CPB2: variants seen among roughly 807,000 people sequenced by gnomAD.
CPB2 encodes carboxypeptidase B-like protein.
In CPB2, 54 loss-of-function variants were observed where a neutral mutation model predicts 57.0. That is an observed-to-expected ratio of 0.95 (90% CI 0.76 to 1.19). The LOEUF (loss-of-function observed/expected upper bound fraction) is 1.19, where lower values mean the gene tolerates loss of function less well. Among genes scored for constraint, CPB2 ranks in the 50% most tolerant of loss-of-function variants. The probability of loss-of-function intolerance (pLI) is 0.00; values close to 1 mark genes in which losing one functional copy is unlikely to be tolerated. For missense variants in CPB2, 426 were observed against 512.0 expected (o/e 0.83, Z 1.62); for synonymous variants, 189 against 178.1 (o/e 1.06, Z -0.49).
chr13:46,054,812 A>G (rs1012517431), intron 10 of CPB2, among the ~76,000 whole-genome samples: 1 of 134,372 alleles, frequency 7.4e-6, no homozygotes, highest in African/African-American at 3.1e-5. Context: ...GTGCAGTTGC[A>G]CAATCTCAGC....
intron 1 of CPB2, among the ~76,000 whole-genome samples, chr13:46,102,596 T>TTTG (rs201447910): frequency 3.8e-4 from 49 of 128,328 alleles, no homozygotes; most frequent in East Asian, 1.0e-3. Flanking sequence ...CTGTTAGTTT[T>TTTG]TTTTTTTTTT....
intron 7 of CPB2, 98 bp downstream of exon 7, chr13:46,067,209 G>C (rs2044869911): frequency 3.5e-6 from 2 of 564,670 alleles, no homozygotes; most frequent in African/African-American, 3.9e-5. Context: ...TAATAATAAA[G>C]CCATTGTGCC....
chr13:46,085,863 A>G (rs2045195531), intron 2 of CPB2, among the ~76,000 whole-genome samples: 3 of 152,218 alleles, frequency 2.0e-5, no homozygotes, highest in Non-Finnish European at 4.4e-5. Context: ...AGGCCCGCTG[A>G]GCCCACTCGG....
intron 8 of CPB2, among the ~76,000 whole-genome samples, chr13:46,059,095 C>T (rs2044736198): frequency 6.6e-6 from 1 of 152,198 alleles, no homozygotes; most frequent in Non-Finnish European, 1.5e-5. Flanking sequence ...ATCTGAATCC[C>T]TTCAAAGATA....
At position 46,055,768 on chromosome 13, in the gene CPB2, T is replaced by C. The variant is rs1390568950; in HGVS notation, c.1081A>G (p.Thr361Ala). 1.8e-5 allele frequency: 28 copies of C among 1,574,070 alleles called. No individual in the cohort carries two copies. Among genetic ancestry groups the C allele is most frequent in the Non-Finnish European group, 2.3e-5 (27 of 1,149,382 alleles). ...CATAAGAAGAAATACTTACATAAGG[T>C]TTCTGAGCCATGGCCATGTGTATAC... ...TRYTHGHGSE[T>A]LYLAPGGGDD... The change falls in exon 10 of 11, where the codon ACC becomes GCC. Residue 361 changes from threonine to alanine, a missense_variant. Physicochemically the swap from Thr to Ala is moderately conservative, Grantham distance 58. Coordinates refer to ENST00000181383, the MANE Select transcript of CPB2 (RefSeq NM_001872.5).
Position 46,084,936 on chromosome 13 carries a change from T to C in CPB2, c.151-593A>G, listed in dbSNP as rs552066987. Among the ~76,000 whole-genome samples, 13 of 152,014 alleles carry C rather than the reference T, an allele frequency of 8.6e-5. No homozygotes were observed. In the East Asian group the frequency reaches 1.4e-3, roughly 16 times the overall value. ...CGCGATCTTGGCTCACTGCAAGCTC[T>C]GCCTCCCGAGTTCTCGCCATTCTCC... On this transcript the variant is annotated intron_variant, in intron 2 of 10. Transcript: ENST00000181383.
chr13:46,095,679 T>C (rs1317053064), intron 1 of CPB2, among the ~76,000 whole-genome samples: 3 of 152,106 alleles, frequency 2.0e-5, no homozygotes, highest in African/African-American at 7.2e-5. Context: ...TAATTAACTT[T>C]CTCACTCTCC....
At chr13:46,057,610 G>A (rs1030760517) in intron 9 of CPB2, among the ~76,000 whole-genome samples, 2 of 152,130 alleles carry the variant, frequency 1.3e-5, no homozygotes, top group African/African-American at 4.8e-5. Context: ...AAGTGCTAAG[G>A]GAGTATCAAA....
intron 1 of CPB2, among the ~76,000 whole-genome samples, chr13:46,090,458 G>A (rs1242463132): frequency 6.6e-6 from 1 of 151,332 alleles, no homozygotes; most frequent in African/African-American, 2.4e-5. Context: ...CGCCTCCCAG[G>A]TTCAAGCAAT....
intron 4 of CPB2, among the ~76,000 whole-genome samples, chr13:46,079,551 A>AAAAAAAAAAAAAAAAAAAG (rs2045078862): frequency 1.4e-4 from 17 of 124,702 alleles, no homozygotes; most frequent in Non-Finnish European, 1.8e-4. Context: ...AAAAAAAAAA[A>AAAAAAAAAAAAAAAAAAAG]AAAAGAAAAG....
intron 6 of CPB2, among the ~76,000 whole-genome samples, chr13:46,070,069 C>T (rs60306859): frequency 4.1e-4 from 62 of 152,274 alleles, no homozygotes; most frequent in African/African-American, 1.2e-3. Flanking sequence ...TTTACAATAG[C>T]GCAAAAGCAA....
At chr13:46,063,566 G>C (rs544897161) in intron 8 of CPB2, among the ~76,000 whole-genome samples, 2 of 152,032 alleles carry the variant, frequency 1.3e-5, no homozygotes, top group East Asian at 3.9e-4. Flanking sequence ...TATCCAATCC[G>C]CCATTGACAG....
chr13:46,062,314 A>T (rs2044786821), intron 8 of CPB2, among the ~76,000 whole-genome samples: 1 of 152,220 alleles, frequency 6.6e-6, no homozygotes, highest in African/African-American at 2.4e-5. Flanking sequence ...TCTGCCACGT[A>T]CTTGCACATA....
chr13:46,058,156 A>G (rs2044721730), intron 9 of CPB2, 23 bp downstream of exon 9: 1 of 1,586,856 alleles, frequency 6.3e-7, no homozygotes. Context: ...TGCTAATGAG[A>G]AAAATAATTA....
intron 6 of CPB2, among the ~76,000 whole-genome samples, chr13:46,069,213 G>C (rs184152462): frequency 3.9e-5 from 6 of 152,330 alleles, no homozygotes; most frequent in African/African-American, 1.2e-4. Flanking sequence ...TAGGACTCCA[G>C]ACAGAAGGAG....
chr13:46,086,112 T>C (rs1191941661), intron 2 of CPB2, among the ~76,000 whole-genome samples: 1 of 152,170 alleles, frequency 6.6e-6, no homozygotes, highest in African/African-American at 2.4e-5. Context: ...ACCCAGAAGT[T>C]TGGAGACGTC....
intron 1 of CPB2, among the ~76,000 whole-genome samples, chr13:46,097,860 T>G (rs1256444074): frequency 6.6e-6 from 1 of 152,218 alleles, no homozygotes; most frequent in African/African-American, 2.4e-5. Flanking sequence ...AAATATGGAC[T>G]CTGTACTTAT....
intron 5 of CPB2, among the ~76,000 whole-genome samples, chr13:46,075,166 G>A (rs2045003345): frequency 6.6e-6 from 1 of 152,206 alleles, no homozygotes; most frequent in Non-Finnish European, 1.5e-5. Flanking sequence ...CACTCCAGGA[G>A]GTTTTTTCCT....
intron 4 of CPB2, among the ~76,000 whole-genome samples, chr13:46,081,902 G>A (rs2045123794): frequency 6.6e-6 from 1 of 152,030 alleles, no homozygotes; most frequent in Admixed American, 6.5e-5. Context: ...TAGAAGGAGT[G>A]GAACCTGTAA....
Sources: gnomAD v4.1 joint callset for allele counts (sites outside exome capture counted in the v4.1 genomes callset) on GRCh38, gnomAD v4.1.1 for gene constraint, MANE v1.5 for transcripts, NCBI Gene and HGNC (gene_info 2026-07-23, HGNC 2026-07-21) for gene names.